The following CNTNAP2 variants were observed in gnomAD, a reference collection of about 807,000 sequenced individuals.
CNTNAP2 encodes contactin associated protein 2.
A neutral mutation model predicts 155.2 loss-of-function variants in CNTNAP2; 98 were observed. The observed-to-expected ratio is 0.63, with a 90% CI of 0.54 to 0.75. The LOEUF (loss-of-function observed/expected upper bound fraction) is 0.75. Among genes scored for constraint, CNTNAP2 ranks in the 30% least tolerant of loss-of-function variants. The pLI is 0.00. For missense variants in CNTNAP2, 1,727 were observed against 1,688.1 expected, an observed-to-expected ratio of 1.02 and a Z score of -0.40; for synonymous variants, 651 against 631.2, an observed-to-expected ratio of 1.03 and a Z score of -0.47.
intron 1 of CNTNAP2, among the ~76,000 whole-genome samples, chr7:146,335,536 CTGT>C (rs1232497442): frequency 1.2e-4 from 19 of 152,186 alleles, no homozygotes; most frequent in Non-Finnish European, 1.5e-4. Context: ...GCCCTTTGGA[CTGT>C]TGTTCTGTCT....
intron 8 of CNTNAP2, among the ~76,000 whole-genome samples, chr7:147,276,398 T>C (rs1030497107): frequency 7.2e-5 from 11 of 152,036 alleles, no homozygotes; most frequent in Non-Finnish European, 1.5e-5. Context: ...AAAATATACA[T>C]ATCTAAGCCC....
chr7:148,353,511 G>A (rs185097270), intron 21 of CNTNAP2, among the ~76,000 whole-genome samples: 3 of 152,236 alleles, frequency 2.0e-5, no homozygotes, highest in African/African-American at 7.2e-5. Flanking sequence ...TTGTCTGATT[G>A]GATTTTAAGC....
intron 8 of CNTNAP2, among the ~76,000 whole-genome samples, chr7:147,293,640 G>C (rs1231290950): frequency 2.0e-5 from 3 of 152,020 alleles, no homozygotes; most frequent in African/African-American, 7.2e-5. Context: ...ATCTTGGTTT[G>C]CCATTATATT....
intron 13 of CNTNAP2, among the ~76,000 whole-genome samples, chr7:147,690,286 T>C (rs1796069386): frequency 6.6e-6 from 1 of 152,170 alleles, no homozygotes; most frequent in Non-Finnish European, 1.5e-5. Context: ...TGATACCACC[T>C]TCTATACAAA....
At chr7:146,157,574 A>G (rs948141652) in intron 1 of CNTNAP2, among the ~76,000 whole-genome samples, 2 of 152,180 alleles carry the variant, frequency 1.3e-5, no homozygotes, top group East Asian at 3.9e-4. Flanking sequence ...GAAATGGCAC[A>G]CCAGGACATT....
Position 147,285,079 on chromosome 7 carries a change from G to T in CNTNAP2, c.1349-15062G>T, listed in dbSNP as rs147762648. 1.5e-3 allele frequency among the ~76,000 whole-genome samples: 233 copies of T among 151,830 alleles called. 2 individuals are homozygous for T. The highest frequency in any genetic ancestry group is 4.5e-3 in the Admixed American group (69 of 15,224). On this transcript the variant is annotated intron_variant, in intron 8 of 23. Coordinates refer to ENST00000361727, the MANE Select transcript of CNTNAP2 (RefSeq NM_014141.6). ...ATAAAAACAGAGTTTTATAAAAAAA[G>T]GATTAATGCAGAATTATCTGAAATA...
At chr7:146,562,182 C>A (rs1193299875) in intron 1 of CNTNAP2, among the ~76,000 whole-genome samples, 2 of 152,140 alleles carry the variant, frequency 1.3e-5, no homozygotes, top group Non-Finnish European at 2.9e-5. Flanking sequence ...AGTTATAAAA[C>A]TGCTCTGGCT....
At chr7:146,965,597 T>G (rs920768699) in intron 3 of CNTNAP2, among the ~76,000 whole-genome samples, 4 of 151,942 alleles carry the variant, frequency 2.6e-5, no homozygotes, top group Admixed American at 1.3e-4. Context: ...AGTTGGATGG[T>G]TTTGAATGCA....
rs183224792 is a variant in CNTNAP2, at chr7:147,252,120, T to G, written c.1349-48021T>G. ...TCAAACGTGCTGTTGGATGAAAAGT[T>G]GCTGAATAAGCTGAATTCAAGATTC... On this transcript the variant is annotated intron_variant, in intron 8 of 23. Coordinates refer to ENST00000361727, the MANE Select transcript of CNTNAP2 (RefSeq NM_014141.6). 2.3e-3 allele frequency among the ~76,000 whole-genome samples: 344 copies of G among 152,292 alleles called. 4 individuals carry two copies. The highest frequency in any genetic ancestry group is 4.3e-3 in the Admixed American group (66 of 15,282).
chr7:146,418,653 G>A (rs1419696181), intron 1 of CNTNAP2, among the ~76,000 whole-genome samples: 1 of 151,948 alleles, frequency 6.6e-6, no homozygotes, highest in Non-Finnish European at 1.5e-5. Flanking sequence ...TCCTTCTTTG[G>A]TACATTCTTT....
chr7:148,056,509 G>A (rs1390747330), intron 15 of CNTNAP2: 1 of 152,178 alleles, frequency 6.6e-6, no homozygotes, highest in Non-Finnish European at 1.5e-5. Flanking sequence ...TCCCCAAGAG[G>A]AGGACATTCT....
At chr7:147,373,966 A>G (rs1445853697) in intron 9 of CNTNAP2, among the ~76,000 whole-genome samples, 1 of 152,016 alleles carries the variant, frequency 6.6e-6, no homozygotes, top group Non-Finnish European at 1.5e-5. Context: ...CAGGAAAAAA[A>G]AAGCAAACAT....
intron 15 of CNTNAP2, among the ~76,000 whole-genome samples, chr7:148,078,142 C>T (rs1024412177): frequency 2.6e-5 from 4 of 152,050 alleles, no homozygotes; most frequent in Non-Finnish European, 5.9e-5. Flanking sequence ...CAGCTCACTG[C>T]AACCTCCACC....
intron 14 of CNTNAP2, among the ~76,000 whole-genome samples, chr7:147,966,961 G>A (rs943539898): frequency 1.8e-4 from 27 of 152,046 alleles, no homozygotes; most frequent in African/African-American, 6.3e-4. Context: ...CAGAAACACC[G>A]AGAAGTCCTA....
At chr7:147,789,967 CAGAA>C (rs1323343762) in intron 13 of CNTNAP2, among the ~76,000 whole-genome samples, 1 of 152,184 alleles carries the variant, frequency 6.6e-6, no homozygotes, top group African/African-American at 2.4e-5. Flanking sequence ...CCTCAGCTTG[CAGAA>C]AGCCTATTGT....
chr7:147,012,950 C>A (rs1798654335), intron 3 of CNTNAP2, among the ~76,000 whole-genome samples: 1 of 151,980 alleles, frequency 6.6e-6, no homozygotes, highest in African/African-American at 2.4e-5. Flanking sequence ...ATTGAATCTC[C>A]AAGTTGACAA....
At chr7:146,721,571 T>G (rs1254842999) in intron 1 of CNTNAP2, among the ~76,000 whole-genome samples, 1 of 113,388 alleles carries the variant, frequency 8.8e-6, no homozygotes, top group Non-Finnish European at 1.6e-5. Context: ...TCTATATATA[T>G]TCTATATACA....
chr7:146,453,342 G>A (rs1442770649), intron 1 of CNTNAP2, among the ~76,000 whole-genome samples: 2 of 152,186 alleles, frequency 1.3e-5, no homozygotes, highest in Admixed American at 1.3e-4. Context: ...ATGGGATAGA[G>A]TTTGCATCAG....
intron 1 of CNTNAP2, among the ~76,000 whole-genome samples, chr7:146,572,384 TAC>T (rs903793844): frequency 3.3e-5 from 5 of 152,074 alleles, no homozygotes; most frequent in African/African-American, 1.2e-4. Flanking sequence ...CTTTTTTCTT[TAC>T]AGTCTCAGAC....
Sources: allele counts gnomAD v4.1 joint callset (sites outside exome capture counted in the v4.1 genomes callset), GRCh38; gene constraint gnomAD v4.1.1; transcripts MANE v1.5; gene names NCBI Gene and HGNC (gene_info 2026-07-23, HGNC 2026-07-21).